The following ATAD3A variants were observed in gnomAD, a reference collection of about 807,000 sequenced individuals.
ATAD3A encodes ATPase family AAA domain containing 3A.
A neutral mutation model predicts 73.8 loss-of-function variants in ATAD3A; 46 were observed. The ratio of observed to expected loss-of-function variants is 0.62; its 90% CI spans 0.49 to 0.80. The LOEUF (loss-of-function observed/expected upper bound fraction) is 0.80, where lower values mean the gene tolerates loss of function less well. Among genes scored for constraint, ATAD3A ranks in the 30% least tolerant of loss-of-function variants. The pLI is 0.00. For missense variants in ATAD3A, 705 were observed against 838.0 expected, an observed-to-expected ratio of 0.84 and a Z score of 1.96; for synonymous variants, 319 against 350.0, an observed-to-expected ratio of 0.91 and a Z score of 0.99.
rs535379248 is a variant in ATAD3A at position 1,512,181 on chromosome 1, T to A, written c.-88T>A. 50 of 1,215,596 alleles carry A rather than the reference T, an allele frequency of 4.1e-5. No individual in the cohort carries two copies. In the African/African-American group the frequency reaches 7.7e-4, roughly 19 times the overall value. 75.3% of individuals were successfully genotyped at this position (1,215,596 alleles called of 1,614,324 possible). On this transcript the variant is annotated 5_prime_UTR_variant, in exon 1 of 16. Coordinates refer to ENST00000378756, the MANE Select transcript of ATAD3A (RefSeq NM_001170535.3). ...CTGCGCAGTGGCGGTGACCACCGGC[T>A]CGCGGCGCGTGGAGGCTGCTCCCAG...
In ATAD3A at chr1:1,526,456, T is replaced by C; in HGVS notation, c.1267-5T>C. 6.2e-7 allele frequency: 1 copy of C among 1,610,640 alleles called. No homozygotes were observed. On this transcript the variant is annotated splice_polypyrimidine_tract_variant and splice_region_variant and intron_variant, in intron 12 of 15. Coordinates refer to ENST00000378756, the MANE Select transcript of ATAD3A (RefSeq NM_001170535.3). ...GTGCCTAAGGCTGGAACCTTCTCTC[T>C]GCAGGAGAAGATAAGCGAGGACCTC...
In ATAD3A at chr1:1,520,765, C is replaced by T. The variant is rs115239284; in HGVS notation, c.750+148C>T. ...AAGCCCACGTTGTACCTGCTGGCCT[C>T]GGCTTCTCCTCCCTTCTCAAGCTGG... On this transcript the variant is annotated intron_variant, in intron 7 of 15. Coordinates refer to ENST00000378756, the MANE Select transcript of ATAD3A (RefSeq NM_001170535.3). This position sits in a 1 kb window ranked among gnomAD's most constrained non-coding sequence, Gnocchi z 4.0. 697 of 1,302,614 alleles carry T rather than the reference C, an allele frequency of 5.4e-4. 1 individual carries two copies. Among genetic ancestry groups the T allele is most frequent in the South Asian group, 6.9e-4 (49 of 71,038 alleles). 80.7% of individuals were successfully genotyped at this position (1,302,614 alleles called of 1,614,324 possible).
intron 13 of ATAD3A, 133 bp downstream of exon 13, chr1:1,526,664 G>A (rs921546568): frequency 2.3e-5 from 36 of 1,534,930 alleles, no homozygotes; most frequent in Non-Finnish European, 2.8e-5. Context: ...TGCCCACCTC[G>A]GATGTCCCCT....
chr1:1,534,348 A>C lies in ATAD3A; in HGVS notation c.*276A>C. ...CCGTCTGGCTCACAGGGGGAGGGTG[A>C]GGCTTTGCACCCCAGCCCCTGCCCA... On this transcript the variant is annotated 3_prime_UTR_variant, in exon 16 of 16. Transcript: ENST00000378756. The C allele has an allele frequency of 7.1e-7, 1 of 1,404,162 alleles. No homozygotes were observed. The allele number at this position is 1,404,162 out of a possible 1,614,324, so 87.0% of individuals were successfully genotyped here. A position where few individuals can be genotyped will look rare whatever the true frequency, so the allele number is the denominator to read the frequency against.
Position 1,523,751 on chromosome 1 carries a change from G to C in ATAD3A, c.964-88G>C, listed in dbSNP as rs1166339988. On this transcript the variant is annotated intron_variant, in intron 9 of 15. Transcript: ENST00000378756. The surrounding 1 kb of genome is among the most constrained non-coding windows in gnomAD (Gnocchi z 5.1). ...GGTGGGAGGCTTCCCGAGGAGCCGAGTCTGCACCCAGGCATTCCCGCAGCC... is the reference window on the plus strand; with the variant it reads ...GGTGGGAGGCTTCCCGAGGAGCCGACTCTGCACCCAGGCATTCCCGCAGCC... The C allele has an allele frequency of 5.6e-6, 9 of 1,601,664 alleles. No individual in the cohort carries two copies. Among genetic ancestry groups the C allele is most frequent in the Non-Finnish European group, 7.7e-6 (9 of 1,173,198 alleles).
chr1:1,526,469 A>C lies in ATAD3A; in HGVS notation c.1275A>C (p.Ile425=), dbSNP rs1557473874. 6.2e-7 allele frequency: 1 copy of C among 1,611,794 alleles called. No individual in the cohort carries two copies. The highest frequency in any genetic ancestry group is 8.5e-7 in the Non-Finnish European group (1 of 1,179,004). ...GAACCTTCTCTCTGCAGGAGAAGAT[A>C]AGCGAGGACCTCAGGGCCACACTGA... ...AFLRKRATEK[I]SEDLRATLNA... Residue 425 remains isoleucine (I), a synonymous_variant, in exon 13 of 16, where the codon ATA becomes ATC. Transcript: ENST00000378756.
rs958230426 is a variant in ATAD3A at position 1,529,159 on chromosome 1, G to C, written c.1506-64G>C. 27 of 1,587,136 alleles carry C rather than the reference G, an allele frequency of 1.7e-5. No homozygotes were observed. The African/African-American group carries it at 3.1e-4, about 18-fold the overall frequency. On this transcript the variant is annotated intron_variant, in intron 14 of 15. Transcript: ENST00000378756. The stretch of plus-strand genomic sequence containing the variant: ...GTGTCGGCCTCGCTGCCTGTCTTCC[G>C]GCCTCCACCTCGTGTTGTGGGAGCT...
At chr1:1,527,409 G>A (rs573776033) in intron 13 of ATAD3A, among the ~76,000 whole-genome samples, 5 of 152,370 alleles carry the variant, frequency 3.3e-5, no homozygotes, top group African/African-American at 1.2e-4. Context: ...CCTGCTCCCA[G>A]CACAGCAGGG....
At chr1:1,522,187 G>A (rs1180718112) in intron 7 of ATAD3A, among the ~76,000 whole-genome samples, 1 of 152,112 alleles carries the variant, frequency 6.6e-6, no homozygotes, top group Non-Finnish European at 1.5e-5. Flanking sequence ...TTACAGGCAT[G>A]TGCCACCATG....
intron 5 of ATAD3A, among the ~76,000 whole-genome samples, chr1:1,519,833 A>C (rs1641517271): frequency 6.6e-6 from 1 of 151,992 alleles, no homozygotes; most frequent in Non-Finnish European, 1.5e-5. Flanking sequence ...TTCTGCCCTA[A>C]TCCATGGGCA....
In ATAD3A at chr1:1,520,531, C is replaced by T; in HGVS notation, c.681-17C>T. On this transcript the variant is annotated splice_polypyrimidine_tract_variant and intron_variant, in intron 6 of 15. Transcript: ENST00000378756. The surrounding 1 kb of genome is among the most constrained non-coding windows in gnomAD (Gnocchi z 4.0). ...ATCTTCGTGTCCTTCCTGGTCACACCACTGCTTTCCCCGCAGGACGGCTGG... is the reference window on the plus strand; with the variant it reads ...ATCTTCGTGTCCTTCCTGGTCACACTACTGCTTTCCCCGCAGGACGGCTGG... 1 of 1,614,094 alleles carries T rather than the reference C, an allele frequency of 6.2e-7. No individual in the cohort carries two copies. Among genetic ancestry groups the T allele is most frequent in the Non-Finnish European group, 8.5e-7 (1 of 1,179,926 alleles).
intron 1 of ATAD3A, among the ~76,000 whole-genome samples, chr1:1,513,904 C>G (rs1055033275): frequency 7.9e-5 from 12 of 152,220 alleles, no homozygotes; most frequent in African/African-American, 2.9e-4. Context: ...TCCCTTGAGG[C>G]TATAGCCCCA....
At chr1:1,533,075 GTGT>G (rs1379064049) in intron 15 of ATAD3A, among the ~76,000 whole-genome samples, 1 of 152,224 alleles carries the variant, frequency 6.6e-6, no homozygotes, top group African/African-American at 2.4e-5. Context: ...CGTGGCGACG[GTGT>G]TGTGGGAGGA....
At chr1:1,533,858 G>A in intron 15 of ATAD3A, 68 bp from the exon 16 acceptor site, 6 of 1,562,814 alleles carry the variant, frequency 3.8e-6, no homozygotes, top group Non-Finnish European at 4.3e-6. Flanking sequence ...CCACCTCGGG[G>A]CCCTGGCGTG....
At chr1:1,524,682 G>A (rs1641738212) in intron 11 of ATAD3A, among the ~76,000 whole-genome samples, 1 of 135,124 alleles carries the variant, frequency 7.4e-6, no homozygotes. Context: ...CAGCTGCAGG[G>A]GAGGCTCCTC....
rs186807304 is a variant in ATAD3A, at chr1:1,512,644, C to T, written c.205+171C>T. On this transcript the variant is annotated intron_variant, in intron 1 of 15. Coordinates refer to ENST00000378756, the MANE Select transcript of ATAD3A (RefSeq NM_001170535.3). ...TGTCGCGTGCCGGGAGGATCGGACTCTTTCCGTCACCCGTTTGCACCTCTG... is the reference window on the plus strand; with the variant it reads ...TGTCGCGTGCCGGGAGGATCGGACTTTTTCCGTCACCCGTTTGCACCTCTG... The T allele has an allele frequency of 4.4e-3, 6,082 of 1,393,396 alleles. 271 individuals carry two copies. In the African/African-American group the frequency reaches 0.08, roughly 18 times the overall value. The allele number at this position is 1,393,396 out of a possible 1,614,324, so 86.3% of individuals were successfully genotyped here. A position where few individuals can be genotyped will look rare whatever the true frequency, so the allele number is the denominator to read the frequency against.
At chr1:1,526,890 C>T (rs1422804606) in intron 13 of ATAD3A, among the ~76,000 whole-genome samples, 3 of 152,026 alleles carry the variant, frequency 2.0e-5, no homozygotes, top group African/African-American at 7.2e-5. Context: ...GGTGTGTGTG[C>T]CCTGGGGTGG....
rs79064172 is a variant in ATAD3A, at chr1:1,528,157, T to C, written c.1505+295T>C. On this transcript the variant is annotated intron_variant, in intron 14 of 15. Coordinates refer to ENST00000378756, the MANE Select transcript of ATAD3A (RefSeq NM_001170535.3). Reference sequence around the variant, plus strand: ...TTTTAATTTTTAGTAGAAATGGGGTTTTACCATGTTGGCCAGGTTCGTCTC... The same window carrying C: ...TTTTAATTTTTAGTAGAAATGGGGTCTTACCATGTTGGCCAGGTTCGTCTC... Among the ~76,000 whole-genome samples, 61 of 152,006 alleles carry C rather than the reference T, an allele frequency of 4.0e-4. 1 individual carries two copies. The East Asian group carries it at 0.011, about 28-fold the overall frequency.
intron 13 of ATAD3A, 80 bp from the exon 14 acceptor site, chr1:1,527,615 G>A: frequency 3.3e-6 from 5 of 1,494,782 alleles, no homozygotes; most frequent in Non-Finnish European, 4.5e-6. Flanking sequence ...TTCTCCCTGT[G>A]GGGGCTGAGG....
Sources: gnomAD v4.1 joint callset for allele counts (sites outside exome capture counted in the v4.1 genomes callset) on GRCh38, gnomAD v4.1.1 for gene constraint, Gnocchi (gnomAD v3.1) non-coding constraint, MANE v1.5 for transcripts, NCBI Gene and HGNC (gene_info 2026-07-23, HGNC 2026-07-21) for gene names.